Variants in MYO3B observed in about 807,000 individuals in gnomAD.
MYO3B encodes myosin-IIIb.
In MYO3B, 156 loss-of-function variants were observed where a neutral mutation model predicts 174.6. The observed-to-expected ratio is 0.89, with a 90% CI of 0.78 to 1.02. MYO3B has a LOEUF of 1.02. Among genes scored for constraint, MYO3B ranks in the 50% least tolerant of loss-of-function variants. The pLI, the probability that MYO3B is intolerant of heterozygous loss-of-function variation, is 0.00. For synonymous variants in MYO3B, 563 were observed against 569.1 expected (o/e 0.99, Z 0.15); for missense variants, 1,632 against 1,639.4 (o/e 1.00, Z 0.08).
intron 32 of MYO3B, among the ~76,000 whole-genome samples, chr2:170,585,221 A>G (rs1693419978): frequency 6.6e-6 from 1 of 152,240 alleles, no homozygotes; most frequent in Non-Finnish European, 1.5e-5. Context: ...TAAGTCTTAC[A>G]CATAAATTCC....
intron 7 of MYO3B, among the ~76,000 whole-genome samples, chr2:170,279,478 T>C (rs998253137): frequency 6.6e-6 from 1 of 152,090 alleles, no homozygotes; most frequent in South Asian, 2.1e-4. Flanking sequence ...AAAAAAACTT[T>C]TAGGTTCAGG....
chr2:170,414,897 T>C (rs898111179), intron 22 of MYO3B, among the ~76,000 whole-genome samples: 10 of 152,240 alleles, frequency 6.6e-5, no homozygotes, highest in African/African-American at 2.2e-4. Context: ...GAAATACAGA[T>C]GACTTTTGTG....
At chr2:170,610,631 C>T (rs540488782) in intron 32 of MYO3B, among the ~76,000 whole-genome samples, 1 of 152,306 alleles carries the variant, frequency 6.6e-6, no homozygotes, top group African/African-American at 2.4e-5. Context: ...CCCACTACAT[C>T]CTGCTTGATG....
At chr2:170,183,555 C>G (rs2092429190) in intron 1 of MYO3B, among the ~76,000 whole-genome samples, 1 of 152,116 alleles carries the variant, frequency 6.6e-6, no homozygotes, top group Admixed American at 6.5e-5. Flanking sequence ...TAATTTTATA[C>G]TCAGCTCCTC....
At chr2:170,283,946 T>C (rs1470159069) in intron 7 of MYO3B, among the ~76,000 whole-genome samples, 1 of 152,246 alleles carries the variant, frequency 6.6e-6, no homozygotes, top group Non-Finnish European at 1.5e-5. Context: ...TAACAATACA[T>C]TGGCTTCTCA....
At chr2:170,535,406 G>T (rs1049447008) in intron 30 of MYO3B, among the ~76,000 whole-genome samples, 2 of 152,192 alleles carry the variant, frequency 1.3e-5, no homozygotes, top group African/African-American at 4.8e-5. Flanking sequence ...TAAATAGAAG[G>T]TCAGGCCAGG....
At chr2:170,562,465 AC>A (rs1691776416) in intron 32 of MYO3B, among the ~76,000 whole-genome samples, 1 of 152,172 alleles carries the variant, frequency 6.6e-6, no homozygotes, top group African/African-American at 2.4e-5. Flanking sequence ...TAGAAAAATA[AC>A]CCCAAAAGCC....
At chr2:170,498,962 T>C (rs1687053815) in intron 26 of MYO3B, among the ~76,000 whole-genome samples, 1 of 152,198 alleles carries the variant, frequency 6.6e-6, no homozygotes, top group African/African-American at 2.4e-5. Context: ...TTAAAAACGT[T>C]TCTTTTCTCA....
chr2:170,234,170 CA>C lies in MYO3B; in HGVS notation c.604-1804del, dbSNP rs71006078. 8.5e-3 allele frequency among the ~76,000 whole-genome samples: 415 copies of C among 48,584 alleles called. 4 individuals carry two copies. Among genetic ancestry groups the C allele is most frequent in the African/African-American group, 0.044 (393 of 8,874 alleles). 31.9% of individuals were successfully genotyped at this position (48,584 alleles called of 152,430 possible). On this transcript the variant is annotated intron_variant, in intron 6 of 34. Coordinates refer to ENST00000408978, the MANE Select transcript of MYO3B (RefSeq NM_138995.5). ...TGGGCGACAGAGTGAGACTCCGTCT[CA>C]AAAAAAAAAAAAAAAACAAAACAAA...
rs375301186 is a variant in MYO3B, at chr2:170,440,179, G to A, written c.2651-3788G>A. On this transcript the variant is annotated intron_variant, in intron 22 of 34. Coordinates refer to ENST00000408978, the MANE Select transcript of MYO3B (RefSeq NM_138995.5). ...TCATTTGATCATGCATCTGTTGTGT[G>A]TTTATTTCTGGGCACTCTGTTTTGA... is the stretch of plus-strand genomic sequence containing the variant. 1.3e-3 allele frequency among the ~76,000 whole-genome samples: 193 copies of A among 152,274 alleles called. 5 individuals are homozygous for A. In the South Asian group the frequency reaches 0.035, roughly 27 times the overall value.
intron 30 of MYO3B, among the ~76,000 whole-genome samples, chr2:170,522,196 T>C (rs1325097459): frequency 6.6e-6 from 1 of 152,188 alleles, no homozygotes; most frequent in Non-Finnish European, 1.5e-5. Context: ...CTCTGCTAGG[T>C]GAGCACGAGT....
intron 7 of MYO3B, among the ~76,000 whole-genome samples, chr2:170,270,763 T>G (rs6721595): frequency 0.87 from 131,812 of 152,128 alleles, 57,745 homozygotes; most frequent in East Asian, 0.96. Context: ...GTTGGAGGTG[T>G]GACCCCAGGG....
At chr2:170,649,123 TGTATATAAAATAATATATA>T (rs1698697482) in intron 32 of MYO3B, among the ~76,000 whole-genome samples, 1 of 51,716 alleles carries the variant, frequency 1.9e-5, no homozygotes, top group Non-Finnish European at 3.1e-5. Flanking sequence ...TAATATATAA[TGTATATAAAATAATATATA>T]ATATATTATA....
At chr2:170,236,828 C>T (rs774356669) in intron 7 of MYO3B, among the ~76,000 whole-genome samples, 3 of 152,154 alleles carry the variant, frequency 2.0e-5, no homozygotes, top group Non-Finnish European at 4.4e-5. Context: ...TAATTTGTAC[C>T]TTCCATATGT....
chr2:170,415,261 T>G (rs2094570773), intron 22 of MYO3B, among the ~76,000 whole-genome samples: 1 of 152,248 alleles, frequency 6.6e-6, no homozygotes, highest in African/African-American at 2.4e-5. Flanking sequence ...GAACTTTTTT[T>G]TCTTTCCTAA....
At chr2:170,350,940 C>CA (rs1334044480) in intron 8 of MYO3B, 13 of 151,664 alleles carry the variant, frequency 8.6e-5, no homozygotes, top group African/African-American at 3.2e-4. Context: ...TATACTTTTC[C>CA]AAACACAGGA....
chr2:170,530,869 A>G (rs1378679016), intron 30 of MYO3B, among the ~76,000 whole-genome samples: 1 of 152,184 alleles, frequency 6.6e-6, no homozygotes, highest in Non-Finnish European at 1.5e-5. Flanking sequence ...AAGATTTAGT[A>G]TATTAGCCTG....
intron 28 of MYO3B, among the ~76,000 whole-genome samples, chr2:170,514,159 A>G (rs1182691414): frequency 1.3e-5 from 2 of 152,184 alleles, no homozygotes; most frequent in Non-Finnish European, 2.9e-5. Context: ...AGGAGATCCA[A>G]TGGAAAGAAC....
chr2:170,411,010 C>G (rs1490147684), intron 22 of MYO3B, among the ~76,000 whole-genome samples: 1 of 151,706 alleles, frequency 6.6e-6, no homozygotes, highest in African/African-American at 2.4e-5. Context: ...CAGTGACACC[C>G]CCCATCTCTG....
Sources: allele counts gnomAD v4.1 joint callset (sites outside exome capture counted in the v4.1 genomes callset), GRCh38; gene constraint gnomAD v4.1.1; transcripts MANE v1.5; gene names NCBI Gene and HGNC (gene_info 2026-07-23, HGNC 2026-07-21).